Variants in DDX10 observed in about 807,000 individuals in gnomAD.
DDX10 encodes the protein probable ATP-dependent RNA helicase DDX10.
A neutral mutation model predicts 104.3 loss-of-function variants in DDX10; 74 were observed. The observed-to-expected ratio is 0.71, with a 90% confidence interval of 0.59 to 0.86. The LOEUF (loss-of-function observed/expected upper bound fraction) is 0.86, where lower values mean the gene tolerates loss of function less well. DDX10 is among the 40% of genes least tolerant of loss of function. The probability of loss-of-function intolerance (pLI) is 0.00; values close to 1 mark genes in which losing one functional copy is unlikely to be tolerated. For synonymous variants in DDX10, 351 were observed against 353.4 expected (o/e 0.99, Z 0.08); for missense variants, 952 against 1,040.0 (o/e 0.92, Z 1.16).
At position 108,723,195 on chromosome 11, in the gene DDX10, C is replaced by T. The variant is rs61996357; in HGVS notation, c.1698C>T (p.Leu566=). The T allele has an allele frequency of 7.2e-4, 1,160 of 1,613,550 alleles. 7 individuals carry two copies. In the African/African-American group the frequency reaches 0.014, roughly 20 times the overall value. Residue 566 remains leucine (L), a synonymous_variant, in exon 13 of 18, where the codon CTC becomes CTT. Coordinates refer to ENST00000322536, the MANE Select transcript of DDX10 (RefSeq NM_004398.4). ...MSILQKGGKR[L]EGTEHRQDND... is the part of the protein sequence containing the mutation. ...TCCTTCAAAAAGGTGGAAAAAGACT[C>T]GAAGGGACAGAGCACAGACAGGATA...
intron 13 of DDX10, among the ~76,000 whole-genome samples, chr11:108,755,083 T>C (rs2094342957): frequency 6.6e-6 from 1 of 152,068 alleles, no homozygotes; most frequent in Non-Finnish European, 1.5e-5. Context: ...GTAGTAATTA[T>C]GGTACAAACT....
At chr11:108,732,510 C>A (rs956150717) in intron 13 of DDX10, among the ~76,000 whole-genome samples, 1 of 152,104 alleles carries the variant, frequency 6.6e-6, no homozygotes, top group South Asian at 2.1e-4. Flanking sequence ...TAGACTTCGG[C>A]GTAAATGGAG....
intron 16 of DDX10, among the ~76,000 whole-genome samples, chr11:108,885,239 T>TA (rs1265180870): frequency 1.3e-5 from 2 of 152,186 alleles, no homozygotes; most frequent in Non-Finnish European, 2.9e-5. Context: ...AACTCATATC[T>TA]AATCTTGTCA....
chr11:108,688,087 G>GAACAA (rs2094247188), intron 6 of DDX10, among the ~76,000 whole-genome samples: 4 of 152,142 alleles, frequency 2.6e-5, no homozygotes, highest in Non-Finnish European at 5.9e-5. Context: ...ATTAATGTAT[G>GAACAA]TGGCTGTGTA....
At chr11:108,684,498 A>C (rs2094240506) in intron 6 of DDX10, among the ~76,000 whole-genome samples, 1 of 148,616 alleles carries the variant, frequency 6.7e-6, no homozygotes, top group African/African-American at 2.5e-5. Context: ...ATGGTTTCCA[A>C]TTTCATCCAT....
intron 13 of DDX10, among the ~76,000 whole-genome samples, chr11:108,750,926 CTTTTTTTTTTTTTTTTT>C (rs10582729): frequency 0.014 from 328 of 24,260 alleles, 6 homozygotes; most frequent in African/African-American, 0.028. Context: ...CACCTGGTTA[CTTTTTTTTTTTTTTTTT>C]TTTTTTTTTT....
At chr11:108,732,475 G>A (rs1385752922) in intron 13 of DDX10, among the ~76,000 whole-genome samples, 1 of 152,188 alleles carries the variant, frequency 6.6e-6, no homozygotes, top group Admixed American at 6.5e-5. Flanking sequence ...GCGCACACTT[G>A]GAGTATAAAA....
At chr11:108,924,085 T>A (rs1341555034) in intron 17 of DDX10, among the ~76,000 whole-genome samples, 1 of 152,098 alleles carries the variant, frequency 6.6e-6, no homozygotes, top group Admixed American at 6.6e-5. Context: ...TTGCTAATGA[T>A]GTGAAAATTT....
At chr11:108,873,190 T>C (rs1353817471) in intron 16 of DDX10, among the ~76,000 whole-genome samples, 1 of 152,144 alleles carries the variant, frequency 6.6e-6, no homozygotes, top group African/African-American at 2.4e-5. Flanking sequence ...GGCCCTTTTA[T>C]TAGAGTAAAA....
At position 108,883,147 on chromosome 11, in the gene DDX10, G is replaced by A. The variant is rs1009730590; in HGVS notation, c.2304+30938G>A. Among the ~76,000 whole-genome samples the A allele has an allele frequency of 3.9e-5, 6 of 151,988 alleles. No individual in the cohort carries two copies. In the East Asian group the frequency reaches 1.2e-3, roughly 29 times the overall value. Reference sequence around the variant, plus strand: ...AAAACTTGAGATGAGAGACTTGACTGGTGTTATTTAGGTGGCAAACTGGCA... The same window carrying A: ...AAAACTTGAGATGAGAGACTTGACTAGTGTTATTTAGGTGGCAAACTGGCA... On this transcript the variant is annotated intron_variant, in intron 16 of 17. Coordinates refer to ENST00000322536, the MANE Select transcript of DDX10 (RefSeq NM_004398.4).
chr11:108,821,744 TGTTA>T (rs1305692635), intron 13 of DDX10, among the ~76,000 whole-genome samples: 1 of 152,200 alleles, frequency 6.6e-6, no homozygotes, highest in African/African-American at 2.4e-5. Flanking sequence ...ATGTGAGAAT[TGTTA>T]AATAATCTTT....
intron 13 of DDX10, among the ~76,000 whole-genome samples, chr11:108,736,958 A>G (rs2094319183): frequency 6.6e-6 from 1 of 152,210 alleles, no homozygotes; most frequent in African/African-American, 2.4e-5. Flanking sequence ...TTCTGTAGGC[A>G]CATTGTCTAT....
At chr11:108,850,657 T>C (rs1179546918) in intron 15 of DDX10, among the ~76,000 whole-genome samples, 2 of 152,148 alleles carry the variant, frequency 1.3e-5, no homozygotes, top group Non-Finnish European at 1.5e-5. Context: ...TGGTAGCAGA[T>C]TATAATGATG....
chr11:108,882,168 A>G (rs1349768758), intron 16 of DDX10, among the ~76,000 whole-genome samples: 2 of 152,160 alleles, frequency 1.3e-5, no homozygotes, highest in Non-Finnish European at 2.9e-5. Context: ...AATAGATTAG[A>G]TAATCACTCC....
intron 16 of DDX10, among the ~76,000 whole-genome samples, chr11:108,870,815 C>T (rs1863071338): frequency 6.6e-6 from 1 of 152,172 alleles, no homozygotes; most frequent in Admixed American, 6.5e-5. Flanking sequence ...TTGTTCTGTT[C>T]ACTGCTGAAT....
chr11:108,725,920 T>C (rs567160650), intron 13 of DDX10, among the ~76,000 whole-genome samples: 11 of 151,994 alleles, frequency 7.2e-5, no homozygotes, highest in Non-Finnish European at 1.3e-4. Flanking sequence ...GCACTTACAA[T>C]TTGGGCTAGG....
chr11:108,772,605 T>C (rs912560166), intron 13 of DDX10, among the ~76,000 whole-genome samples: 4 of 152,144 alleles, frequency 2.6e-5, no homozygotes, highest in Non-Finnish European at 5.9e-5. Context: ...ATAAATGCCG[T>C]CGAAAGGCCA....
chr11:108,865,255 T>G (rs1293336440), intron 16 of DDX10, among the ~76,000 whole-genome samples: 1 of 152,154 alleles, frequency 6.6e-6, no homozygotes, highest in East Asian at 1.9e-4. Flanking sequence ...GTGATAGCAG[T>G]AGATCACTGT....
chr11:108,689,861 T>G (rs1241489099), intron 7 of DDX10, among the ~76,000 whole-genome samples: 1 of 152,184 alleles, frequency 6.6e-6, no homozygotes, highest in Non-Finnish European at 1.5e-5. Context: ...TCTCTCTAGC[T>G]TATGGGAAGT....
Sources: allele counts gnomAD v4.1 joint callset (sites outside exome capture counted in the v4.1 genomes callset), GRCh38; gene constraint gnomAD v4.1.1; transcripts MANE v1.5; gene names NCBI Gene and HGNC (gene_info 2026-07-23, HGNC 2026-07-21).